TAFA5: variants seen among roughly 807,000 people sequenced by gnomAD.
The protein encoded by TAFA5 is TAFA chemokine like family member 5.
A neutral mutation model predicts 15.3 loss-of-function variants in TAFA5; 6 were observed. The ratio of observed to expected loss-of-function variants is 0.39; its 90% confidence interval spans 0.21 to 0.77. The LOEUF (loss-of-function observed/expected upper bound fraction) is 0.77, where lower values mean the gene tolerates loss of function less well. Among genes scored for constraint, TAFA5 ranks in the 30% least tolerant of loss-of-function variants. The probability of loss-of-function intolerance (pLI) is 0.41; values close to 1 mark genes in which losing one functional copy is unlikely to be tolerated. For missense variants in TAFA5, 161 were observed against 193.1 expected, an observed-to-expected ratio of 0.83 and a Z score of 0.98; for synonymous variants, 103 against 80.7, an observed-to-expected ratio of 1.28 and a Z score of -1.48.
At chr22:48,668,855 C>T (rs6010575) in intron 2 of TAFA5, among the ~76,000 whole-genome samples, 124,125 of 151,102 alleles carry the variant, frequency 0.82, 51,264 homozygotes, top group East Asian at 0.93. Flanking sequence ...GAGGCTGCTG[C>T]GGGGGGTCTC....
At chr22:48,546,832 C>G (rs1189070753) in intron 1 of TAFA5, 1 of 311,096 alleles carries the variant, frequency 3.2e-6, no homozygotes, top group Admixed American at 4.4e-5. Flanking sequence ...CCAGGAGGCT[C>G]CACCCTCTCG....
rs187383684 is a variant in TAFA5 at position 48,743,173 on chromosome 22, G to A, written c.391-6666G>A. Among the ~76,000 whole-genome samples, 185 of 152,260 alleles carry A rather than the reference G, an allele frequency of 1.2e-3. 1 individual carries two copies. Among genetic ancestry groups the A allele is most frequent in the African/African-American group, 4.4e-3 (181 of 41,576 alleles). ...GTGTCTGCTGGGCCGTGCTCCCGCA[G>A]GAGGCAGCAGCAGAGGGTCCTCCCT... On this transcript the variant is annotated intron_variant, in intron 3 of 3. Coordinates refer to ENST00000402357, the MANE Select transcript of TAFA5 (RefSeq NM_001082967.3).
intron 1 of TAFA5, among the ~76,000 whole-genome samples, chr22:48,642,536 G>A (rs1042557493): frequency 6.6e-6 from 1 of 152,164 alleles, no homozygotes; most frequent in African/African-American, 2.4e-5. Context: ...ACTCGGAGCC[G>A]GACCACTGAG....
chr22:48,585,146 TACACCACACACTAG>T (rs1368720774), intron 1 of TAFA5, among the ~76,000 whole-genome samples: 1 of 132,146 alleles, frequency 7.6e-6, no homozygotes, highest in Admixed American at 7.7e-5. Flanking sequence ...CACAACAAAA[TACACCACACACTAG>T]ACACCACACA....
intron 1 of TAFA5, among the ~76,000 whole-genome samples, chr22:48,568,991 C>T (rs1023248507): frequency 6.6e-6 from 1 of 152,210 alleles, no homozygotes; most frequent in South Asian, 2.1e-4. Context: ...GGCTATCAGG[C>T]ACCCTCCATC....
intron 1 of TAFA5, among the ~76,000 whole-genome samples, chr22:48,645,978 C>T (rs866243169): frequency 3.3e-5 from 5 of 152,148 alleles, no homozygotes; most frequent in South Asian, 2.1e-4. Flanking sequence ...GGGCGTGCAC[C>T]GCGCTGTGGG....
intron 3 of TAFA5, among the ~76,000 whole-genome samples, chr22:48,723,934 C>T (rs570287756): frequency 1.3e-5 from 2 of 152,060 alleles, no homozygotes; most frequent in African/African-American, 4.8e-5. Context: ...TCTACATGCC[C>T]GATTAGAATC....
chr22:48,508,053 A>G (rs1921068048), intron 1 of TAFA5, among the ~76,000 whole-genome samples: 1 of 151,978 alleles, frequency 6.6e-6, no homozygotes, highest in Non-Finnish European at 1.5e-5. Context: ...CGGCCCCTAG[A>G]GCCGCCCGCT....
intron 2 of TAFA5, among the ~76,000 whole-genome samples, chr22:48,672,145 A>G (rs1351012224): frequency 6.6e-6 from 1 of 152,192 alleles, no homozygotes; most frequent in Non-Finnish European, 1.5e-5. Flanking sequence ...CCTTCTCTGA[A>G]CTCTGAGTGT....
intron 2 of TAFA5, among the ~76,000 whole-genome samples, chr22:48,696,858 G>T (rs1402418617): frequency 6.6e-6 from 1 of 152,262 alleles, no homozygotes; most frequent in Non-Finnish European, 1.5e-5. Context: ...AACCAGCACA[G>T]CACAGTCGCG....
At chr22:48,730,368 A>G (rs1186631656) in intron 3 of TAFA5, among the ~76,000 whole-genome samples, 1 of 150,752 alleles carries the variant, frequency 6.6e-6, no homozygotes, top group Non-Finnish European at 1.5e-5. Flanking sequence ...CCTGGGCGAC[A>G]GAGCAAGACT....
chr22:48,588,942 G>C (rs1924460154), intron 1 of TAFA5, among the ~76,000 whole-genome samples: 1 of 152,226 alleles, frequency 6.6e-6, no homozygotes, highest in Non-Finnish European at 1.5e-5. Flanking sequence ...CTCAGAGAAG[G>C]TGGATTTTAT....
chr22:48,540,538 G>A (rs1048081433), intron 1 of TAFA5, among the ~76,000 whole-genome samples: 4 of 151,690 alleles, frequency 2.6e-5, no homozygotes, highest in African/African-American at 9.7e-5. Flanking sequence ...CCGGCAAAAA[G>A]GACCCAGTCC....
chr22:48,523,272 T>A (rs1380048522), intron 1 of TAFA5, among the ~76,000 whole-genome samples: 1 of 152,218 alleles, frequency 6.6e-6, no homozygotes, highest in African/African-American at 2.4e-5. Context: ...GGGACAGGGC[T>A]GGTGGGCCGG....
At chr22:48,521,650 C>T (rs1045633043) in intron 1 of TAFA5, among the ~76,000 whole-genome samples, 2 of 152,146 alleles carry the variant, frequency 1.3e-5, no homozygotes, top group Admixed American at 6.5e-5. Context: ...CCCAGCCAGC[C>T]GCACGGGAGA....
chr22:48,511,214 G>T (rs956459817), intron 1 of TAFA5, among the ~76,000 whole-genome samples: 41 of 152,360 alleles, frequency 2.7e-4, no homozygotes, highest in African/African-American at 9.9e-4. Context: ...GTGGACAGGA[G>T]AGAGAAGCCC....
intron 2 of TAFA5, among the ~76,000 whole-genome samples, chr22:48,679,244 C>G (rs1230699101): frequency 1.7e-5 from 2 of 121,186 alleles, no homozygotes; most frequent in Non-Finnish European, 3.4e-5. Context: ...CCCAGCTCCC[C>G]GTCCATCCCT....
At chr22:48,588,203 G>T (rs887318215) in intron 1 of TAFA5, among the ~76,000 whole-genome samples, 5 of 152,240 alleles carry the variant, frequency 3.3e-5, no homozygotes, top group African/African-American at 9.6e-5. Flanking sequence ...GCTGAGCACA[G>T]GTGCGTCTGG....
intron 1 of TAFA5, among the ~76,000 whole-genome samples, chr22:48,517,485 G>A (rs1921451998): frequency 6.6e-6 from 1 of 152,210 alleles, no homozygotes; most frequent in African/African-American, 2.4e-5. Flanking sequence ...AGGGCTGGCT[G>A]GTGTGAGCCC....
Sources: gnomAD v4.1 joint callset for allele counts (sites outside exome capture counted in the v4.1 genomes callset) on GRCh38, gnomAD v4.1.1 for gene constraint, MANE v1.5 for transcripts, NCBI Gene and HGNC (gene_info 2026-07-23, HGNC 2026-07-21) for gene names.